Variants in F13A1 observed in about 807,000 individuals in gnomAD.
F13A1 encodes the protein coagulation factor XIII A chain.
Under a neutral mutation model 80.1 loss-of-function variants are expected in F13A1, and 47 were observed. The ratio of observed to expected loss-of-function variants is 0.59; its 90% CI spans 0.46 to 0.75. F13A1 has a LOEUF of 0.75. F13A1 is among the 30% of genes least tolerant of loss of function. The pLI, the probability that F13A1 is intolerant of heterozygous loss-of-function variation, is 0.00. For missense variants in F13A1, 817 were observed against 930.4 expected (o/e 0.88, Z 1.59); for synonymous variants, 349 against 344.9 (o/e 1.01, Z -0.13).
intron 8 of F13A1, among the ~76,000 whole-genome samples, chr6:6,202,069 G>C (rs73720336): frequency 6.6e-6 from 1 of 150,994 alleles, no homozygotes. Context: ...ATAACATATC[G>C]ATTACCTCCC....
chr6:6,266,682 A>C lies in F13A1; in HGVS notation c.447T>G (p.Ser149=), dbSNP rs761448901. 104 of 1,614,100 alleles carry C rather than the reference A, an allele frequency of 6.4e-5. No homozygotes were observed. Among genetic ancestry groups the C allele is most frequent in the Admixed American group, 1.7e-4 (10 of 59,998 alleles). The change falls in exon 4 of 15, where the codon TCT becomes TCG. Residue 149 remains serine, a synonymous_variant. Transcript: ENST00000264870. The stretch of plus-strand genomic sequence containing the variant: ...ATTTCCCCACAATACATTTGGGGGA[A>C]GACTGGATGGACAGCCGCACAGACC... ...EDRSVRLSIQ[S]SPKCIVGKFR...
At chr6:6,237,495 C>G (rs1245906716) in intron 6 of F13A1, among the ~76,000 whole-genome samples, 1 of 152,102 alleles carries the variant, frequency 6.6e-6, no homozygotes, top group East Asian at 1.9e-4. Context: ...TGCTTAATAA[C>G]AAGCTGTTTT....
At chr6:6,198,067 C>CAAAAAATACTTGT (rs1761322682) in intron 8 of F13A1, among the ~76,000 whole-genome samples, 1 of 152,054 alleles carries the variant, frequency 6.6e-6, no homozygotes, top group African/African-American at 2.4e-5. Context: ...AGCAATTAAG[C>CAAAAAATACTTGT]AAAAAATACT....
At chr6:6,185,227 CCACT>C (rs1352681582) in intron 10 of F13A1, among the ~76,000 whole-genome samples, 2 of 151,014 alleles carry the variant, frequency 1.3e-5, no homozygotes, top group African/African-American at 2.4e-5. Context: ...TGCGCTGCAC[CCACT>C]AACTCGTCAT....
intron 6 of F13A1, among the ~76,000 whole-genome samples, chr6:6,231,760 G>A (rs2113074783): frequency 6.6e-6 from 1 of 152,318 alleles, no homozygotes; most frequent in East Asian, 1.9e-4. Context: ...AGAAGGGATT[G>A]GAACCCTATC....
intron 9 of F13A1, among the ~76,000 whole-genome samples, chr6:6,196,172 CA>C (rs1761287620): frequency 6.6e-6 from 1 of 152,230 alleles, no homozygotes; most frequent in Non-Finnish European, 1.5e-5. Flanking sequence ...GTGGCTTACA[CA>C]GCATTTATCT....
intron 3 of F13A1, among the ~76,000 whole-genome samples, chr6:6,304,440 G>T (rs1427348424): frequency 1.3e-5 from 2 of 152,144 alleles, no homozygotes; most frequent in Admixed American, 1.3e-4. Context: ...TTACCAAAAT[G>T]TGTCAAAAGT....
At chr6:6,224,954 T>A in intron 6 of F13A1, 94 bp from the exon 7 acceptor site, 3 of 1,300,704 alleles carry the variant, frequency 2.3e-6, no homozygotes, top group Non-Finnish European at 3.3e-6. Flanking sequence ...TGCCATTGCC[T>A]TCTATATGTT....
chr6:6,221,939 TAGAAC>T, intron 8 of F13A1, 89 bp downstream of exon 8: 9 of 1,451,486 alleles, frequency 6.2e-6, no homozygotes, highest in Middle Eastern at 2.0e-4. Context: ...GTCCTCAAAA[TAGAAC>T]AGAAACATCA....
chr6:6,146,396 T>C (rs1760280188), intron 14 of F13A1, among the ~76,000 whole-genome samples: 1 of 152,222 alleles, frequency 6.6e-6, no homozygotes, highest in South Asian at 2.1e-4. Flanking sequence ...CTACCATTTG[T>C]TGCCAATGCC....
At chr6:6,180,472 G>T (rs889726436) in intron 11 of F13A1, among the ~76,000 whole-genome samples, 1 of 152,242 alleles carries the variant, frequency 6.6e-6, no homozygotes, top group Admixed American at 6.5e-5. Context: ...CTGTCGTGTG[G>T]ATGTATGTAT....
At chr6:6,244,291 C>A (rs1757526000) in intron 6 of F13A1, among the ~76,000 whole-genome samples, 1 of 152,200 alleles carries the variant, frequency 6.6e-6, no homozygotes, top group South Asian at 2.1e-4. Flanking sequence ...AAGCAGCAAT[C>A]AAGCAATGCA....
intron 4 of F13A1, among the ~76,000 whole-genome samples, chr6:6,263,062 C>T (rs924305167): frequency 2.0e-5 from 3 of 152,222 alleles, no homozygotes; most frequent in Admixed American, 6.5e-5. Context: ...TGTGAACCAC[C>T]GTCCTCTCTC....
At chr6:6,298,384 A>T (rs1420039631) in intron 3 of F13A1, among the ~76,000 whole-genome samples, 2 of 149,944 alleles carry the variant, frequency 1.3e-5, no homozygotes, top group Non-Finnish European at 2.9e-5. Flanking sequence ...TGGGAGTCTA[A>T]GTCTCTTTGT....
chr6:6,231,769 T>C (rs1757355646), intron 6 of F13A1, among the ~76,000 whole-genome samples: 1 of 152,224 alleles, frequency 6.6e-6, no homozygotes. Flanking sequence ...TGGAACCCTA[T>C]CTTCAGCCTC....
chr6:6,298,910 C>T (rs9379023), intron 3 of F13A1, among the ~76,000 whole-genome samples: 28,275 of 147,736 alleles, frequency 0.19, 3,734 homozygotes, highest in East Asian at 0.44. Flanking sequence ...CCATGTTTAG[C>T]GCTTCCTTCA....
At chr6:6,163,406 G>C (rs138400988) in intron 13 of F13A1, among the ~76,000 whole-genome samples, 1 of 152,052 alleles carries the variant, frequency 6.6e-6, no homozygotes, top group Non-Finnish European at 1.5e-5. Context: ...ATGTCATGAG[G>C]GTTGTACAGA....
At chr6:6,249,775 C>T (rs1413310183) in intron 5 of F13A1, among the ~76,000 whole-genome samples, 1 of 152,124 alleles carries the variant, frequency 6.6e-6, no homozygotes, top group Non-Finnish European at 1.5e-5. Context: ...TTGCATGTCA[C>T]TGAGGAGGGG....
At chr6:6,178,761 G>T (rs376940191) in intron 11 of F13A1, among the ~76,000 whole-genome samples, 5 of 152,158 alleles carry the variant, frequency 3.3e-5, no homozygotes, top group African/African-American at 1.2e-4. Flanking sequence ...CAGGCAGGAG[G>T]GGGTGGAACC....
Sources: gnomAD v4.1 joint callset for allele counts (sites outside exome capture counted in the v4.1 genomes callset) on GRCh38, gnomAD v4.1.1 for gene constraint, MANE v1.5 for transcripts, NCBI Gene and HGNC (gene_info 2026-07-23, HGNC 2026-07-21) for gene names.